MAPRE1: variants seen among roughly 807,000 people sequenced by gnomAD.
The protein encoded by MAPRE1 is microtubule associated protein RP/EB family member 1.
Under a neutral mutation model 32.1 loss-of-function variants are expected in MAPRE1, and 5 were observed. The ratio of observed to expected loss-of-function variants is 0.16; its 90% CI spans 0.08 to 0.33. The LOEUF is 0.33. Ranked by LOEUF, MAPRE1 falls within the 10% of genes least tolerant of loss-of-function variation. The pLI is 1.00. For missense variants in MAPRE1, 209 were observed against 327.2 expected, an observed-to-expected ratio of 0.64 and a Z score of 2.79; for synonymous variants, 122 against 118.9, an observed-to-expected ratio of 1.03 and a Z score of -0.17.
intron 6 of MAPRE1, among the ~76,000 whole-genome samples, chr20:32,847,823 T>C (rs1297645442): frequency 6.6e-6 from 1 of 152,142 alleles, no homozygotes; most frequent in African/African-American, 2.4e-5. Context: ...GTAGTGAGAA[T>C]GAGGTGTGTG....
At chr20:32,827,086 T>G (rs1982874768) in intron 2 of MAPRE1, among the ~76,000 whole-genome samples, 1 of 152,222 alleles carries the variant, frequency 6.6e-6, no homozygotes, top group African/African-American at 2.4e-5. Context: ...ATGGAACTAC[T>G]GTTTAACAAT....
intron 4 of MAPRE1, 49 bp downstream of exon 4, chr20:32,836,890 T>A: frequency 6.6e-7 from 1 of 1,511,046 alleles, no homozygotes; most frequent in Non-Finnish European, 9.0e-7. Context: ...TTCCAGATAT[T>A]CATTCAGCGT....
chr20:32,839,809 C>T lies in MAPRE1; in HGVS notation c.550C>T (p.Pro184Ser), dbSNP rs755109122. 5 of 1,614,042 alleles carry T rather than the reference C, an allele frequency of 3.1e-6. No homozygotes were observed. The highest frequency in any genetic ancestry group is 4.2e-6 in the Non-Finnish European group (5 of 1,180,040). The change falls in exon 5 of 7, where the codon CCT becomes TCT. Residue 184 changes from proline (P) to serine (S), a missense_variant. Transcript: ENST00000375571. ...TGGCCCTGGTGTGGTGCGAAAGAACCCTGGTGTGGGCAACGGAGACGACGA... is the reference window on the plus strand; with the variant it reads ...TGGCCCTGGTGTGGTGCGAAAGAACTCTGGTGTGGGCAACGGAGACGACGA... ...KAGPGVVRKN[P>S]GVGNGDDEAA...
At position 32,848,853 on chromosome 20, in the gene MAPRE1, T is replaced by C. The variant is rs1983575672; in HGVS notation, c.*125T>C. ...TCTTTTCATAAGCAAAAAGTACCTC[T>C]TCTTAAAGTGCACTTTGCAGACGTT... is the stretch of plus-strand genomic sequence containing the variant. On this transcript the variant is annotated 3_prime_UTR_variant, in exon 7 of 7. Coordinates refer to ENST00000375571, the MANE Select transcript of MAPRE1 (RefSeq NM_012325.3). 1 of 715,934 alleles carries C rather than the reference T, an allele frequency of 1.4e-6. No homozygotes were observed. 44.3% of individuals were successfully genotyped at this position (715,934 alleles called of 1,614,324 possible). A position where few individuals can be genotyped will look rare whatever the true frequency, so the allele number is the denominator to read the frequency against.
chr20:32,822,426 A>AG (rs1262058652), intron 1 of MAPRE1, among the ~76,000 whole-genome samples: 2 of 152,202 alleles, frequency 1.3e-5, no homozygotes, highest in African/African-American at 4.8e-5. Context: ...GTGTAAGAAC[A>AG]GATTGACACA....
intron 1 of MAPRE1, among the ~76,000 whole-genome samples, chr20:32,821,303 A>C (rs1982695097): frequency 6.6e-6 from 1 of 152,212 alleles, no homozygotes; most frequent in Non-Finnish European, 1.5e-5. Flanking sequence ...GGTGTGAGCC[A>C]CCGCGCCTGG....
intron 1 of MAPRE1, among the ~76,000 whole-genome samples, 186 bp from the exon 2 acceptor site, chr20:32,825,739 G>A (rs1982827582): frequency 6.6e-6 from 1 of 152,092 alleles, no homozygotes; most frequent in Admixed American, 6.5e-5. Flanking sequence ...CAGTTGAGTC[G>A]AGGTCGTGCC....
intron 2 of MAPRE1, among the ~76,000 whole-genome samples, chr20:32,826,651 A>T (rs853863): frequency 1.3e-5 from 2 of 149,966 alleles, no homozygotes; most frequent in Non-Finnish European, 3.0e-5. Flanking sequence ...TTTAGCCTCC[A>T]AAGTACCTGG....
At chr20:32,842,323 G>GATCC (rs1352617247) in intron 5 of MAPRE1, among the ~76,000 whole-genome samples, 1 of 152,180 alleles carries the variant, frequency 6.6e-6, no homozygotes, top group African/African-American at 2.4e-5. Context: ...CTGGCCTTGT[G>GATCC]ATCCATCTGC....
intron 2 of MAPRE1, among the ~76,000 whole-genome samples, chr20:32,831,874 A>G (rs985772836): frequency 1.5e-4 from 22 of 151,702 alleles, no homozygotes; most frequent in African/African-American, 5.3e-4. Flanking sequence ...AGTACTGGGT[A>G]AAATACCACT....
At position 32,848,748 on chromosome 20, in the gene MAPRE1, A is replaced by G. The variant is rs6119993; in HGVS notation, c.*20A>G. ...TATTAACAGCCTGGACCAGCAGAGC[A>G]ACATCGGAATTCTTCACTCCAAATC... On this transcript the variant is annotated 3_prime_UTR_variant, in exon 7 of 7. Transcript: ENST00000375571. 3,499 of 1,604,184 alleles carry G rather than the reference A, an allele frequency of 2.2e-3. 70 individuals are homozygous for G. The African/African-American group carries it at 0.041, about 19-fold the overall frequency.
At chr20:32,842,003 T>G (rs1338698369) in intron 5 of MAPRE1, among the ~76,000 whole-genome samples, 1 of 146,014 alleles carries the variant, frequency 6.8e-6, no homozygotes, top group Non-Finnish European at 1.5e-5. Flanking sequence ...CAGGAACCAG[T>G]TTTTTTTTTT....
intron 5 of MAPRE1, among the ~76,000 whole-genome samples, chr20:32,846,079 T>G (rs755587932): frequency 4.6e-5 from 7 of 152,228 alleles, no homozygotes; most frequent in Non-Finnish European, 7.3e-5. Context: ...TTATTGGTCT[T>G]GGCTAGATAG....
At chr20:32,829,139 C>G (rs1965321093) in intron 2 of MAPRE1, among the ~76,000 whole-genome samples, 1 of 152,086 alleles carries the variant, frequency 6.6e-6, no homozygotes, top group South Asian at 2.1e-4. Context: ...GTCTTGAACT[C>G]CTGACCTTGT....
intron 6 of MAPRE1, among the ~76,000 whole-genome samples, chr20:32,848,338 T>G (rs1983561855): frequency 6.6e-6 from 1 of 152,140 alleles, no homozygotes. Context: ...TGGCCTTCTT[T>G]CTTCTTTAAA....
intron 2 of MAPRE1, among the ~76,000 whole-genome samples, chr20:32,831,515 A>C (rs986130514): frequency 1.3e-5 from 2 of 149,214 alleles, no homozygotes; most frequent in African/African-American, 5.0e-5. Flanking sequence ...TTCATTCATA[A>C]GTCATTGTCT....
intron 1 of MAPRE1, among the ~76,000 whole-genome samples, chr20:32,821,745 C>T (rs771518950): frequency 5.9e-5 from 9 of 152,144 alleles, no homozygotes; most frequent in African/African-American, 2.2e-4. Flanking sequence ...TATTGTGGTG[C>T]CTTGAAAGTA....
In MAPRE1 at chr20:32,848,701, C is replaced by T. The variant is rs772119178; in HGVS notation, c.780C>T (p.Gly260=). 31 of 1,612,440 alleles carry T rather than the reference C, an allele frequency of 1.9e-5. No homozygotes were observed. The South Asian group carries it at 3.4e-4, about 18-fold the overall frequency. Residue 260 remains glycine (G), a synonymous_variant, in exon 7 of 7, where the codon GGC becomes GGT. Coordinates refer to ENST00000375571, the MANE Select transcript of MAPRE1 (RefSeq NM_012325.3). Reference sequence around the variant, plus strand: ...GCTTTGTGATACCTGATGAAGGGGGCCCACAGGAGGAGCAAGAAGAGTATT... The same window carrying T: ...GCTTTGTGATACCTGATGAAGGGGGTCCACAGGAGGAGCAAGAAGAGTATT... ...DEGFVIPDEG[G]PQEEQEEY
intron 4 of MAPRE1, among the ~76,000 whole-genome samples, chr20:32,838,863 T>C (rs1479730355): frequency 6.6e-6 from 1 of 152,216 alleles, no homozygotes; most frequent in African/African-American, 2.4e-5. Context: ...AGATGAGATA[T>C]TTTCAAACCT....
Sources: gnomAD v4.1 joint callset for allele counts (sites outside exome capture counted in the v4.1 genomes callset) on GRCh38, gnomAD v4.1.1 for gene constraint, MANE v1.5 for transcripts, NCBI Gene and HGNC (gene_info 2026-07-23, HGNC 2026-07-21) for gene names.